The following CSMD1 variants were observed in gnomAD, a reference collection of about 807,000 sequenced individuals.
CSMD1 encodes the protein CUB and sushi domain-containing protein 1.
Under a neutral mutation model 417.5 loss-of-function variants are expected in CSMD1, and 213 were observed. The observed-to-expected ratio is 0.51, with a 90% CI of 0.46 to 0.57. The LOEUF (loss-of-function observed/expected upper bound fraction) is 0.57. Among genes scored for constraint, CSMD1 ranks in the 20% least tolerant of loss-of-function variants. The pLI, the probability that CSMD1 is intolerant of heterozygous loss-of-function variation, is 0.00. For synonymous variants in CSMD1, 2,862 were observed against 1,736.8 expected (o/e 1.65, Z -16.11); for missense variants, 6,923 against 4,529.7 (o/e 1.53, Z -15.17).
At chr8:4,149,709 C>A (rs532648038) in intron 3 of CSMD1, among the ~76,000 whole-genome samples, 190 of 152,284 alleles carry the variant, frequency 1.2e-3, no homozygotes, top group African/African-American at 4.3e-3. Flanking sequence ...ATGCTGAGCT[C>A]CAACAGAAAC....
intron 2 of CSMD1, among the ~76,000 whole-genome samples, chr8:4,475,434 C>A (rs1272880933): frequency 6.6e-6 from 1 of 151,972 alleles, no homozygotes; most frequent in Non-Finnish European, 1.5e-5. Context: ...TAATATTCAC[C>A]TGTGGCATCA....
chr8:4,429,572 C>T (rs1157133649), intron 2 of CSMD1, among the ~76,000 whole-genome samples: 1 of 152,056 alleles, frequency 6.6e-6, no homozygotes, highest in South Asian at 2.1e-4. Context: ...AGGATTTGGT[C>T]CATACTGATT....
intron 26 of CSMD1, among the ~76,000 whole-genome samples, chr8:3,253,128 C>T (rs1314916961): frequency 6.6e-6 from 1 of 151,976 alleles, no homozygotes; most frequent in Non-Finnish European, 1.5e-5. Flanking sequence ...GCTAGGGTGT[C>T]AATTTTAGAT....
At chr8:4,520,942 G>C (rs1379734044) in intron 2 of CSMD1, among the ~76,000 whole-genome samples, 1 of 152,070 alleles carries the variant, frequency 6.6e-6, no homozygotes, top group Non-Finnish European at 1.5e-5. Context: ...AGTCATATCA[G>C]TTATGAATTT....
At chr8:4,689,729 C>T (rs1806643798) in intron 1 of CSMD1, among the ~76,000 whole-genome samples, 1 of 152,140 alleles carries the variant, frequency 6.6e-6, no homozygotes, top group South Asian at 2.1e-4. Flanking sequence ...TCGTCTTTGG[C>T]TGCAGTTATT....
chr8:3,638,981 C>T (rs757658723), intron 7 of CSMD1, among the ~76,000 whole-genome samples: 2 of 152,182 alleles, frequency 1.3e-5, no homozygotes, highest in African/African-American at 4.8e-5. Context: ...AAGAGAAAGG[C>T]AGTGTTGCAT....
Position 4,224,998 on chromosome 8 carries a change from G to C in CSMD1, c.416-192899C>G, listed in dbSNP as rs111668810. On this transcript the variant is annotated intron_variant, in intron 3 of 69. Coordinates refer to ENST00000635120, the MANE Select transcript of CSMD1 (RefSeq NM_033225.6). ...GTGGTGCCGTGCACCTGAAATCCCA[G>C]CTATTGGGGAGGCTGAGGCAAGACA... Among the ~76,000 whole-genome samples, 1,290 of 152,266 alleles carry C rather than the reference G, an allele frequency of 8.5e-3. 21 individuals are homozygous for C. The highest frequency in any genetic ancestry group is 0.028 in the African/African-American group (1,170 of 41,544).
At chr8:4,056,004 T>C (rs1010107699) in intron 3 of CSMD1, among the ~76,000 whole-genome samples, 2 of 151,938 alleles carry the variant, frequency 1.3e-5, no homozygotes, top group Non-Finnish European at 2.9e-5. Context: ...TTATGGAAAA[T>C]TGTAGTCTAC....
intron 54 of CSMD1, among the ~76,000 whole-genome samples, chr8:2,996,073 G>A (rs894822060): frequency 3.3e-5 from 5 of 151,954 alleles, no homozygotes; most frequent in Non-Finnish European, 5.9e-5. Flanking sequence ...GGACCTCTCT[G>A]TATTATACCT....
chr8:3,796,258 TATAG>T lies in CSMD1; in HGVS notation c.819-42220_819-42217del, dbSNP rs1367829175. 4.9e-4 allele frequency among the ~76,000 whole-genome samples: 21 copies of T among 42,800 alleles called. 7 individuals carry two copies. Among genetic ancestry groups the T allele is most frequent in the Non-Finnish European group, 9.1e-4 (18 of 19,728 alleles). 28.1% of individuals were successfully genotyped at this position (42,800 alleles called of 152,430 possible). A position where few individuals can be genotyped will look rare whatever the true frequency, so the allele number is the denominator to read the frequency against. On this transcript the variant is annotated intron_variant, in intron 5 of 69. Transcript: ENST00000635120. ...TAGATATAGATATATATCTATCATGTATAGATATAGATATATATCTATCATGTAT... is the reference window on the plus strand; with the variant it reads ...TAGATATAGATATATATCTATCATGTATATAGATATATATCTATCATGTAT...
chr8:3,947,068 T>C (rs891219401), intron 5 of CSMD1, among the ~76,000 whole-genome samples: 3 of 152,288 alleles, frequency 2.0e-5, no homozygotes, highest in African/African-American at 4.8e-5. Context: ...TCATTACATG[T>C]TGAATAGTTG....
At chr8:3,186,926 G>T (rs760470006) in intron 36 of CSMD1, among the ~76,000 whole-genome samples, 1 of 152,192 alleles carries the variant, frequency 6.6e-6, no homozygotes, top group Non-Finnish European at 1.5e-5. Flanking sequence ...AATTTTAGTA[G>T]AGACAGGGTT....
At chr8:4,701,865 G>T (rs1184849609) in intron 1 of CSMD1, among the ~76,000 whole-genome samples, 2 of 152,158 alleles carry the variant, frequency 1.3e-5, no homozygotes, top group African/African-American at 4.8e-5. Context: ...ATCAACAGAT[G>T]CATCAATGAT....
chr8:3,613,635 A>G (rs576121417), intron 8 of CSMD1, among the ~76,000 whole-genome samples: 21 of 151,758 alleles, frequency 1.4e-4, no homozygotes, highest in African/African-American at 4.6e-4. Context: ...AAAATATACA[A>G]ACAAAAAATG....
intron 53 of CSMD1, 28 bp downstream of exon 53, chr8:2,999,930 T>C: frequency 6.3e-7 from 1 of 1,578,380 alleles, no homozygotes. Flanking sequence ...GAAGCATCGA[T>C]GAATTCGTCC....
chr8:4,693,417 G>C (rs1270418608), intron 1 of CSMD1, among the ~76,000 whole-genome samples: 1 of 152,220 alleles, frequency 6.6e-6, no homozygotes, highest in African/African-American at 2.4e-5. Context: ...TGTTCTGGCT[G>C]TGTCAGCCTC....
At chr8:3,422,247 G>C (rs188020063) in intron 12 of CSMD1, among the ~76,000 whole-genome samples, 136 of 152,204 alleles carry the variant, frequency 8.9e-4, no homozygotes, top group Middle Eastern at 3.4e-3. Flanking sequence ...CTCACACTTA[G>C]CCACTCAGCA....
intron 3 of CSMD1, among the ~76,000 whole-genome samples, chr8:4,076,929 G>C (rs1407139671): frequency 6.6e-6 from 1 of 152,008 alleles, no homozygotes; most frequent in South Asian, 2.1e-4. Flanking sequence ...ATGGATATCA[G>C]TAAAAAAATC....
intron 7 of CSMD1, among the ~76,000 whole-genome samples, chr8:3,618,872 G>C (rs906075324): frequency 1.3e-5 from 2 of 152,182 alleles, no homozygotes; most frequent in Non-Finnish European, 2.9e-5. Context: ...TTCCTCTCTA[G>C]GTATGAAGAA....
Sources: allele counts gnomAD v4.1 joint callset (sites outside exome capture counted in the v4.1 genomes callset), GRCh38; gene constraint gnomAD v4.1.1; transcripts MANE v1.5; gene names NCBI Gene and HGNC (gene_info 2026-07-23, HGNC 2026-07-21).